The following S100Z variants were observed in gnomAD, a reference collection of about 807,000 sequenced individuals.
S100Z encodes the protein S100 calcium binding protein Z.
In S100Z, 11 loss-of-function variants were observed where a neutral mutation model predicts 8.5. The ratio of observed to expected loss-of-function variants is 1.30; its 90% CI spans 0.82 to 2.15. S100Z has a LOEUF of 2.15. Among genes scored for constraint, S100Z ranks in the 30% most tolerant of loss-of-function variants. The pLI is 0.00. For synonymous variants in S100Z, 34 were observed against 43.8 expected, an observed-to-expected ratio of 0.78 and a Z score of 0.89; for missense variants, 126 against 117.9, an observed-to-expected ratio of 1.07 and a Z score of -0.32.
At chr5:76,897,081 G>T (rs1190480663) in intron 4 of S100Z, among the ~76,000 whole-genome samples, 2 of 152,088 alleles carry the variant, frequency 1.3e-5, no homozygotes, top group African/African-American at 4.8e-5. Context: ...TTTGAAGTCA[G>T]GTAATGTGAT....
intron 4 of S100Z, among the ~76,000 whole-genome samples, chr5:76,907,939 G>C (rs1744513620): frequency 6.6e-6 from 1 of 152,104 alleles, no homozygotes; most frequent in Non-Finnish European, 1.5e-5. Flanking sequence ...GACCAGCCTG[G>C]GCAGCATGGT....
downstream of S100Z, among the ~76,000 whole-genome samples, chr5:76,922,284 A>T (rs1360480595): frequency 6.6e-6 from 1 of 152,186 alleles, no homozygotes; most frequent in East Asian, 1.9e-4. Context: ...GTCTCAGCAA[A>T]TAACCAGGAA....
intron 4 of S100Z, among the ~76,000 whole-genome samples, chr5:76,913,352 T>A (rs1314795926): frequency 6.6e-6 from 1 of 152,162 alleles, no homozygotes; most frequent in Non-Finnish European, 1.5e-5. Context: ...AAAGACACAA[T>A]GGATATTCAG....
chr5:76,893,389 C>G (rs1232295899), intron 4 of S100Z, among the ~76,000 whole-genome samples: 2 of 151,984 alleles, frequency 1.3e-5, no homozygotes, highest in East Asian at 3.9e-4. Flanking sequence ...ACAAAAAATA[C>G]AAAAATTAGC....
chr5:76,872,232 G>A (rs111479113), intron 2 of S100Z, among the ~76,000 whole-genome samples: 9,042 of 151,990 alleles, frequency 0.059, 895 homozygotes, highest in African/African-American at 0.21. Flanking sequence ...GGGTGACAGC[G>A]GGAGACCCTA....
intron 4 of S100Z, among the ~76,000 whole-genome samples, chr5:76,889,666 T>G (rs1743790301): frequency 6.6e-6 from 1 of 152,256 alleles, no homozygotes. Context: ...TGTTTCAAAT[T>G]AGATTTCAAA....
chr5:76,858,917 C>T (rs572165256), intron 1 of S100Z, among the ~76,000 whole-genome samples: 1 of 152,200 alleles, frequency 6.6e-6, no homozygotes, highest in African/African-American at 2.4e-5. Context: ...TTGAGACCAG[C>T]TTGGCCAACA....
intron 2 of S100Z, 136 bp downstream of exon 2, chr5:76,870,420 T>G (rs1742967060): frequency 1.3e-5 from 2 of 152,206 alleles, no homozygotes; most frequent in African/African-American, 4.8e-5. Flanking sequence ...ATGTAACTTC[T>G]GCAAGTTTGA....
the S100Z span, among the ~76,000 whole-genome samples, chr5:76,950,264 G>A: frequency 1.4e-3 from 206 of 152,278 alleles, no homozygotes; most frequent in African/African-American, 4.7e-3. Flanking sequence ...TCTAACTTGC[G>A]TGCATAGGGA....
At chr5:76,942,371 G>C in the S100Z span, among the ~76,000 whole-genome samples, 94,844 of 147,216 alleles carry the variant, frequency 0.64, 30,818 homozygotes, top group South Asian at 0.76. Context: ...CTCGGCCTCT[G>C]AAAGTGCTGG....
chr5:76,907,524 C>T (rs1364715747), intron 4 of S100Z, among the ~76,000 whole-genome samples: 6 of 152,118 alleles, frequency 3.9e-5, no homozygotes, highest in South Asian at 2.1e-4. Context: ...AGGATGGCCT[C>T]GATCTCCTGA....
intron 4 of S100Z, among the ~76,000 whole-genome samples, chr5:76,901,322 G>A (rs1389771670): frequency 2.0e-5 from 3 of 152,196 alleles, no homozygotes; most frequent in Non-Finnish European, 4.4e-5. Context: ...GGGTTTTAAG[G>A]TCCCCCAAGC....
At chr5:76,890,641 C>T (rs756606729) in intron 4 of S100Z, among the ~76,000 whole-genome samples, 10 of 151,930 alleles carry the variant, frequency 6.6e-5, no homozygotes, top group East Asian at 1.9e-4. Flanking sequence ...GAGTAAGACC[C>T]GGTCTCAAAA....
chr5:76,921,255 T>C lies in S100Z; in HGVS notation c.*541T>C, dbSNP rs1299104139. On this transcript the variant is annotated 3_prime_UTR_variant, in exon 5 of 5. Transcript: ENST00000317593. ...TATTTTTGTCTGAATAGTATTTTCA[T>C]TGATATATCACAATATATTTACTCC... 2.0e-5 allele frequency: 3 copies of C among 152,226 alleles called. No homozygotes were observed. The highest frequency in any genetic ancestry group is 2.9e-5 in the Non-Finnish European group (2 of 68,022). The allele number at this position is 152,226 out of a possible 1,614,324, so 9.4% of individuals were successfully genotyped here.
At chr5:76,902,860 AAAAC>A (rs1273853970) in intron 4 of S100Z, among the ~76,000 whole-genome samples, 1 of 152,176 alleles carries the variant, frequency 6.6e-6, no homozygotes, top group Non-Finnish European at 1.5e-5. Context: ...GATAATTTTT[AAAAC>A]AAACATTCTT....
chr5:76,900,555 G>C (rs535254338), intron 4 of S100Z, among the ~76,000 whole-genome samples: 1 of 151,866 alleles, frequency 6.6e-6, no homozygotes, highest in Non-Finnish European at 1.5e-5. Context: ...GCATTTTTTA[G>C]CTTCAGAATT....
intron 4 of S100Z, among the ~76,000 whole-genome samples, chr5:76,889,742 T>G (rs1472601539): frequency 6.6e-6 from 1 of 152,272 alleles, no homozygotes; most frequent in Non-Finnish European, 1.5e-5. Context: ...CTTTTCCTCA[T>G]GTTAGGAACA....
At chr5:76,917,820 C>CA (rs10665272) in intron 4 of S100Z, among the ~76,000 whole-genome samples, 3,927 of 130,594 alleles carry the variant, frequency 0.03, 135 homozygotes, top group African/African-American at 0.061. Flanking sequence ...AAGACTGTCT[C>CA]AAAAAAAAAA....
the S100Z span, among the ~76,000 whole-genome samples, chr5:76,936,920 C>T: frequency 1.3e-5 from 2 of 152,150 alleles, no homozygotes; most frequent in African/African-American, 4.8e-5. Context: ...TTCGTCATTC[C>T]TCAGCCCTTG....
Sources: gnomAD v4.1 joint callset for allele counts (sites outside exome capture counted in the v4.1 genomes callset) on GRCh38, gnomAD v4.1.1 for gene constraint, MANE v1.5 for transcripts, NCBI Gene and HGNC (gene_info 2026-07-23, HGNC 2026-07-21) for gene names.